Variants in TENM2 observed in about 807,000 individuals in gnomAD.
TENM2 encodes teneurin transmembrane protein 2, also known as teneurin-2.
Under a neutral mutation model 245.2 loss-of-function variants are expected in TENM2, and 52 were observed. That is an observed-to-expected ratio of 0.21 (90% confidence interval 0.17 to 0.27). TENM2 has a LOEUF of 0.27. Among genes scored for constraint, TENM2 ranks in the 10% least tolerant of loss-of-function variants. The pLI, the probability that TENM2 is intolerant of heterozygous loss-of-function variation, is 1.00. For missense variants in TENM2, 3,046 were observed against 3,666.8 expected (o/e 0.83, Z 4.37); for synonymous variants, 1,363 against 1,438.9 (o/e 0.95, Z 1.19).
chr5:167,952,396 C>T (rs1737636546), intron 3 of TENM2, 192 bp from the exon 6 acceptor site: 1 of 600,670 alleles, frequency 1.7e-6, no homozygotes, highest in Non-Finnish European at 3.0e-6. Context: ...TGGATAAATG[C>T]AAATCAAAGC....
In TENM2 at chr5:167,395,446, C is replaced by T. The variant is rs534766347; in HGVS notation, c.502+19973C>T. ...CATATAAGATTGTGTCATCTGGAAA[C>T]GGCGATAGCATTACTTCTTCCTTTC... On this transcript the variant is annotated intron_variant, in intron 2 of 28. Transcript: ENST00000518659. Among the ~76,000 whole-genome samples the T allele has an allele frequency of 2.4e-4, 36 of 152,204 alleles. No individual in the cohort carries two copies. The South Asian group carries it at 5.2e-3, about 22-fold the overall frequency.
chr5:167,709,870 A>G (rs865845909), intron 2 of TENM2, among the ~76,000 whole-genome samples: 14 of 152,278 alleles, frequency 9.2e-5, no homozygotes, highest in African/African-American at 1.9e-4. Context: ...AGAGAGGGGG[A>G]GAGAGGAAGA....
chr5:167,240,908 G>A, the TENM2 span, among the ~76,000 whole-genome samples: 1 of 152,176 alleles, frequency 6.6e-6, no homozygotes, highest in South Asian at 2.1e-4. Context: ...ATGGGAAACA[G>A]GTAGGGTGGA....
At chr5:167,983,720 A>G (rs963932253) in intron 4 of TENM2, among the ~76,000 whole-genome samples, 2 of 152,230 alleles carry the variant, frequency 1.3e-5, no homozygotes, top group Non-Finnish European at 2.9e-5. Flanking sequence ...CCTATTTTAA[A>G]GGAAACAATT....
chr5:168,023,829 T>G (rs1354721883), intron 5 of TENM2, among the ~76,000 whole-genome samples: 1 of 152,152 alleles, frequency 6.6e-6, no homozygotes, highest in East Asian at 1.9e-4. Context: ...TCTTCATCAT[T>G]GTTTATGTGG....
chr5:167,470,454 C>CTTGTTTTTTTT (rs1766940200), intron 2 of TENM2, among the ~76,000 whole-genome samples: 1 of 47,394 alleles, frequency 2.1e-5, no homozygotes, highest in African/African-American at 8.4e-5. Context: ...GCAATGCTTG[C>CTTGTTTTTTTT]TTTTTTTTTT....
chr5:167,196,512 G>GTGTATATATATATA, the TENM2 span, among the ~76,000 whole-genome samples: 1 of 144,240 alleles, frequency 6.9e-6, no homozygotes, highest in African/African-American at 2.8e-5. Context: ...ATATATATGT[G>GTGTATATATATATA]TGTGTATATA....
chr5:167,177,933 T>A, the TENM2 span, among the ~76,000 whole-genome samples: 1 of 152,164 alleles, frequency 6.6e-6, no homozygotes, highest in African/African-American at 2.4e-5. Flanking sequence ...AGCCTCAAAG[T>A]CTCAGGCCTG....
chr5:167,006,187 C>T, the TENM2 span, among the ~76,000 whole-genome samples: 1 of 152,002 alleles, frequency 6.6e-6, no homozygotes, highest in Non-Finnish European at 1.5e-5. Flanking sequence ...GCCAGGCTGA[C>T]CAGATATATA....
intron 3 of TENM2, among the ~76,000 whole-genome samples, chr5:167,911,719 G>A (rs889619232): frequency 3.3e-5 from 5 of 152,092 alleles, no homozygotes; most frequent in South Asian, 4.1e-4. Context: ...TTCACGCAGC[G>A]AATATTTATT....
intron 2 of TENM2, among the ~76,000 whole-genome samples, chr5:167,864,965 A>G (rs1772176047): frequency 6.6e-6 from 1 of 152,212 alleles, no homozygotes; most frequent in South Asian, 2.1e-4. Context: ...CGTGGAACAT[A>G]TGTTCTCTAA....
chr5:167,010,461 C>T, the TENM2 span, among the ~76,000 whole-genome samples: 1 of 152,156 alleles, frequency 6.6e-6, no homozygotes, highest in Non-Finnish European at 1.5e-5. Flanking sequence ...GTCCATTTGG[C>T]ATTTTAATAA....
At chr5:167,500,439 G>A (rs1769135095) in intron 2 of TENM2, among the ~76,000 whole-genome samples, 1 of 152,022 alleles carries the variant, frequency 6.6e-6, no homozygotes, top group African/African-American at 2.4e-5. Flanking sequence ...ATAATCTGCA[G>A]TGTAGCTAAT....
chr5:167,754,748 G>A (rs1762184045), intron 2 of TENM2, among the ~76,000 whole-genome samples: 1 of 136,958 alleles, frequency 7.3e-6, no homozygotes, highest in African/African-American at 2.6e-5. Context: ...AAAAGTCTGT[G>A]TCAAACAACG....
At chr5:167,947,957 TC>T (rs1241621765) in intron 3 of TENM2, among the ~76,000 whole-genome samples, 1 of 152,200 alleles carries the variant, frequency 6.6e-6, no homozygotes, top group African/African-American at 2.4e-5. Context: ...GTTTAATTTG[TC>T]TCTGCTTTCC....
rs185544037 is a variant in TENM2 at position 167,657,578 on chromosome 5, T to C, written c.503-218408T>C. On this transcript the variant is annotated intron_variant, in intron 2 of 28. Transcript: ENST00000518659. ...TCTCCATACTGTCCTTCACAGTGGC[T>C]ATTGAAGCATAAAGCTTAATACAAT... is the stretch of plus-strand genomic sequence containing the variant. Among the ~76,000 whole-genome samples the C allele has an allele frequency of 1.6e-3, 242 of 152,354 alleles. 3 individuals are homozygous for C. The highest frequency in any genetic ancestry group is 1.3e-3 in the Non-Finnish European group (88 of 68,030).
At chr5:168,025,113 C>G (rs1178383338) in intron 5 of TENM2, among the ~76,000 whole-genome samples, 1 of 152,158 alleles carries the variant, frequency 6.6e-6, no homozygotes, top group Non-Finnish European at 1.5e-5. Context: ...ATCCTACATT[C>G]AAAGTGTAAA....
At chr5:167,864,801 A>G (rs1163846280) in intron 2 of TENM2, among the ~76,000 whole-genome samples, 1 of 152,206 alleles carries the variant, frequency 6.6e-6, no homozygotes, top group Admixed American at 6.5e-5. Flanking sequence ...TTTGTGTCAG[A>G]TTAAATACAA....
intron 1 of TENM2, among the ~76,000 whole-genome samples, chr5:167,324,995 A>C (rs1399312811): frequency 6.6e-6 from 1 of 152,146 alleles, no homozygotes; most frequent in East Asian, 1.9e-4. Context: ...AGCAGGCCCT[A>C]CTGGGTATTA....
Sources: gnomAD v4.1 joint callset for allele counts (sites outside exome capture counted in the v4.1 genomes callset) on GRCh38, gnomAD v4.1.1 for gene constraint, MANE v1.5 for transcripts, NCBI Gene and HGNC (gene_info 2026-07-23, HGNC 2026-07-21) for gene names.